Variants in NMNAT3 observed in about 807,000 individuals in gnomAD.
The protein encoded by NMNAT3 is nicotinamide nucleotide adenylyltransferase 3, also known as nicotinamide/nicotinic acid mononucleotide adenylyltransferase 3.
In NMNAT3, 21 loss-of-function variants were observed where a neutral mutation model predicts 24.8. That is an observed-to-expected ratio of 0.85 (90% CI 0.60 to 1.22). The LOEUF (loss-of-function observed/expected upper bound fraction) is 1.22, where lower values mean the gene tolerates loss of function less well. Among genes scored for constraint, NMNAT3 ranks in the 50% most tolerant of loss-of-function variants. NMNAT3 has a pLI of 0.00. For missense variants in NMNAT3, 387 were observed against 436.6 expected, an observed-to-expected ratio of 0.89 and a Z score of 1.01; for synonymous variants, 136 against 155.2, an observed-to-expected ratio of 0.88 and a Z score of 0.92.
intron 3 of NMNAT3, among the ~76,000 whole-genome samples, chr3:139,593,870 A>G (rs2054318383): frequency 6.8e-6 from 1 of 146,936 alleles, no homozygotes; most frequent in Non-Finnish European, 1.5e-5. Flanking sequence ...GAAAGATCCA[A>G]AATTGACACC....
chr3:139,613,139 C>G (rs553202154), intron 3 of NMNAT3, among the ~76,000 whole-genome samples: 43 of 152,304 alleles, frequency 2.8e-4, no homozygotes, highest in African/African-American at 9.6e-4. Context: ...CAAATGGGAT[C>G]TAATTAAACT....
chr3:139,657,552 G>C (rs1291603235), intron 1 of NMNAT3, among the ~76,000 whole-genome samples: 1 of 152,130 alleles, frequency 6.6e-6, no homozygotes, highest in Admixed American at 6.5e-5. Context: ...TGCAGCGGTT[G>C]TCATACAGAA....
At chr3:139,668,031 A>T (rs1245728113) in intron 1 of NMNAT3, among the ~76,000 whole-genome samples, 3 of 152,240 alleles carry the variant, frequency 2.0e-5, no homozygotes, top group Non-Finnish European at 4.4e-5. Flanking sequence ...ATGGTTACAA[A>T]CCAGGTGTGT....
At chr3:139,596,943 TATATATATATATATATATA>T (rs1462360770) in intron 3 of NMNAT3, among the ~76,000 whole-genome samples, 2 of 129,514 alleles carry the variant, frequency 1.5e-5, no homozygotes, top group Admixed American at 7.5e-5. Flanking sequence ...TATATATATA[TATATATATATATATATATA>T]TATTTTTATT....
chr3:139,580,791 G>C (rs941636391), intron 4 of NMNAT3, among the ~76,000 whole-genome samples: 4 of 151,288 alleles, frequency 2.6e-5, no homozygotes, highest in Non-Finnish European at 5.9e-5. Flanking sequence ...GAAATTTACT[G>C]GCATAAAGTT....
At chr3:139,622,964 G>A (rs10935339) in intron 3 of NMNAT3, among the ~76,000 whole-genome samples, 138,362 of 148,606 alleles carry the variant, frequency 0.93, 65,285 homozygotes, top group East Asian at 1. Context: ...AAGGACTACA[G>A]TATTACTGTA....
intron 3 of NMNAT3, among the ~76,000 whole-genome samples, chr3:139,592,843 G>C (rs575005322): frequency 1.3e-5 from 2 of 152,024 alleles, no homozygotes; most frequent in Non-Finnish European, 1.5e-5. Context: ...AAGGAACAAC[G>C]GGTACCAGCC....
intron 1 of NMNAT3, among the ~76,000 whole-genome samples, chr3:139,662,978 T>C (rs2057464914): frequency 6.6e-6 from 1 of 152,230 alleles, no homozygotes; most frequent in Non-Finnish European, 1.5e-5. Flanking sequence ...TTTACAGGTG[T>C]ATTCGTTTCC....
At chr3:139,610,532 A>T (rs2055161491) in intron 3 of NMNAT3, among the ~76,000 whole-genome samples, 5 of 152,242 alleles carry the variant, frequency 3.3e-5, no homozygotes, top group African/African-American at 1.2e-4. Context: ...TTAAGTTAGA[A>T]ATGTGAAAAT....
chr3:139,651,957 T>C lies in NMNAT3; in HGVS notation c.-140-13895A>G, dbSNP rs148041917. Among the ~76,000 whole-genome samples the C allele has an allele frequency of 2.0e-5, 3 of 152,314 alleles. No individual in the cohort carries two copies. The East Asian group carries it at 5.8e-4, about 29-fold the overall frequency. ...CCTGGGGACCTAAGTCCTCCCTTCC[T>C]CACTGAGCAGCATATCTGGAGCCCA... On this transcript the variant is annotated intron_variant, in intron 1 of 6. Transcript: ENST00000643695.
At chr3:139,640,975 G>A (rs548308488) in intron 1 of NMNAT3, among the ~76,000 whole-genome samples, 10 of 152,258 alleles carry the variant, frequency 6.6e-5, no homozygotes, top group South Asian at 4.1e-4. Flanking sequence ...ATGCATAATC[G>A]CTATTGTGTT....
chr3:139,666,261 T>A (rs1259681962), intron 1 of NMNAT3, among the ~76,000 whole-genome samples: 1 of 152,114 alleles, frequency 6.6e-6, no homozygotes, highest in Non-Finnish European at 1.5e-5. Context: ...AGTGATACTA[T>A]GAGACTTTTG....
chr3:139,634,835 T>G (rs2056441403), intron 2 of NMNAT3, 188 bp from the exon 3 acceptor site: 3 of 152,174 alleles, frequency 2.0e-5, no homozygotes, highest in Admixed American at 6.5e-5. Context: ...ATAAAGTACG[T>G]CTGAGTAACT....
At chr3:139,668,108 C>G (rs186330085) in intron 1 of NMNAT3, among the ~76,000 whole-genome samples, 111 of 152,160 alleles carry the variant, frequency 7.3e-4, no homozygotes, top group African/African-American at 2.4e-3. Flanking sequence ...GGGGATGCCC[C>G]ACTAAAAATG....
intron 3 of NMNAT3, among the ~76,000 whole-genome samples, chr3:139,587,107 C>T (rs2053969658): frequency 1.3e-5 from 2 of 152,194 alleles, no homozygotes; most frequent in Admixed American, 1.3e-4. Flanking sequence ...TGCCAATACA[C>T]AACGGCACTG....
intron 3 of NMNAT3, among the ~76,000 whole-genome samples, chr3:139,613,651 T>C (rs1329179147): frequency 6.6e-6 from 1 of 152,020 alleles, no homozygotes; most frequent in African/African-American, 2.4e-5. Flanking sequence ...ACCCAAAGGA[T>C]TATAAATCAT....
intron 1 of NMNAT3, among the ~76,000 whole-genome samples, chr3:139,661,295 C>T (rs1451947131): frequency 6.6e-6 from 1 of 152,162 alleles, no homozygotes; most frequent in Non-Finnish European, 1.5e-5. Flanking sequence ...AGGGCTGCGT[C>T]TAGCTCAGCC....
chr3:139,656,490 G>C (rs1685718957), intron 1 of NMNAT3, among the ~76,000 whole-genome samples: 2 of 152,108 alleles, frequency 1.3e-5, no homozygotes, highest in African/African-American at 2.4e-5. Context: ...TTTTAACGGG[G>C]CAGTCAAATA....
chr3:139,578,764 G>A (rs1459658663), intron 5 of NMNAT3, 108 bp downstream of exon 5: 2 of 917,098 alleles, frequency 2.2e-6, no homozygotes, highest in East Asian at 2.7e-5. Flanking sequence ...TTGCTGAGAA[G>A]GTCTGGCAGA....
Sources: allele counts gnomAD v4.1 joint callset (sites outside exome capture counted in the v4.1 genomes callset), GRCh38; gene constraint gnomAD v4.1.1; transcripts MANE v1.5; gene names NCBI Gene and HGNC (gene_info 2026-07-23, HGNC 2026-07-21).